EYS: variants seen among roughly 807,000 people sequenced by gnomAD.
EYS encodes protein eyes shut homolog.
EYS carries 250 observed loss-of-function variants against 282.1 expected under a neutral mutation model. The ratio of observed to expected loss-of-function variants is 0.89; its 90% CI spans 0.80 to 0.98. The LOEUF (loss-of-function observed/expected upper bound fraction) is 0.98. Ranked by LOEUF, EYS falls within the 50% of genes least tolerant of loss-of-function variation. The probability of loss-of-function intolerance (pLI) is 0.00; values close to 1 mark genes in which losing one functional copy is unlikely to be tolerated. For synonymous variants in EYS, 1,355 were observed against 1,282.9 expected, an observed-to-expected ratio of 1.06 and a Z score of -1.20; for missense variants, 4,016 against 3,709.0, an observed-to-expected ratio of 1.08 and a Z score of -2.15.
intron 16 of EYS, among the ~76,000 whole-genome samples, chr6:64,906,344 ATG>A (rs2150073641): frequency 6.6e-6 from 1 of 152,190 alleles, no homozygotes; most frequent in South Asian, 2.1e-4. Flanking sequence ...TTAATTATGT[ATG>A]TATTTTCTTT....
chr6:64,213,473 T>C (rs1765843883), intron 31 of EYS, among the ~76,000 whole-genome samples: 1 of 152,102 alleles, frequency 6.6e-6, no homozygotes, highest in Non-Finnish European at 1.5e-5. Context: ...GAATAGAAAA[T>C]GCATCAGCAT....
intron 26 of EYS, among the ~76,000 whole-genome samples, chr6:64,473,618 G>A (rs1776184673): frequency 6.6e-6 from 1 of 152,154 alleles, no homozygotes; most frequent in Non-Finnish European, 1.5e-5. Flanking sequence ...ATAAAAGACC[G>A]TGTGTCTATT....
intron 35 of EYS, among the ~76,000 whole-genome samples, chr6:63,971,825 T>C (rs899802249): frequency 7.9e-5 from 12 of 152,206 alleles, no homozygotes; most frequent in African/African-American, 2.2e-4. Context: ...ATTTCAATTG[T>C]ATTTGTCATA....
At chr6:64,115,207 C>T (rs1204300940) in intron 31 of EYS, among the ~76,000 whole-genome samples, 1 of 152,178 alleles carries the variant, frequency 6.6e-6, no homozygotes, top group African/African-American at 2.4e-5. Flanking sequence ...GGATTTCAGG[C>T]TTCTCTTTAA....
At chr6:64,188,502 T>C (rs143007204) in intron 31 of EYS, among the ~76,000 whole-genome samples, 3 of 152,184 alleles carry the variant, frequency 2.0e-5, no homozygotes, top group Admixed American at 2.0e-4. Context: ...GGATATATTA[T>C]GCTAAAAAGT....
intron 9 of EYS, among the ~76,000 whole-genome samples, chr6:65,345,803 A>C (rs1770371217): frequency 6.6e-6 from 1 of 151,790 alleles, no homozygotes; most frequent in African/African-American, 2.4e-5. Flanking sequence ...AAAGAGTGAG[A>C]AGATGAAAAA....
intron 31 of EYS, among the ~76,000 whole-genome samples, chr6:64,211,287 A>G (rs1367277026): frequency 1.3e-5 from 2 of 152,236 alleles, no homozygotes; most frequent in African/African-American, 4.8e-5. Context: ...TAGACAATTT[A>G]GAGATACAAC....
At chr6:64,419,541 A>T (rs1407830804) in intron 28 of EYS, among the ~76,000 whole-genome samples, 1 of 152,244 alleles carries the variant, frequency 6.6e-6, no homozygotes, top group African/African-American at 2.4e-5. Flanking sequence ...AGCCTATAAA[A>T]TCAAAAGAAA....
rs372862743 is a variant in EYS, at chr6:64,086,480, TA to T, written c.6425-4479del. 7.2e-4 allele frequency among the ~76,000 whole-genome samples: 110 copies of T among 152,348 alleles called. No homozygotes were observed. In the East Asian group the frequency reaches 0.02, roughly 27 times the overall value. On this transcript the variant is annotated intron_variant, in intron 31 of 42. Transcript: ENST00000503581. Reference sequence around the variant, plus strand: ...CCAGGCCCTCCATGGTCTTCCTTTTTAGTGCTTCTACACATACATATCTCCT... The same window carrying T: ...CCAGGCCCTCCATGGTCTTCCTTTTTGTGCTTCTACACATACATATCTCCT...
chr6:65,127,167 C>A (rs1445149896), intron 12 of EYS, among the ~76,000 whole-genome samples: 2 of 152,048 alleles, frequency 1.3e-5, no homozygotes, highest in Non-Finnish European at 2.9e-5. Context: ...CCAATCAACA[C>A]AGTTGTACTA....
intron 31 of EYS, among the ~76,000 whole-genome samples, chr6:64,156,521 G>C (rs2150298166): frequency 6.6e-6 from 1 of 152,294 alleles, no homozygotes; most frequent in South Asian, 2.1e-4. Flanking sequence ...TAGGTAAGAG[G>C]CAGAGGTTGC....
chr6:64,480,020 G>A (rs7754782), intron 26 of EYS, among the ~76,000 whole-genome samples: 2,496 of 151,950 alleles, frequency 0.016, 23 homozygotes, highest in South Asian at 0.035. Context: ...TCATGAGTCC[G>A]TTGCTATGCC....
chr6:65,607,781 T>C (rs1198421694), intron 2 of EYS, among the ~76,000 whole-genome samples: 2 of 151,874 alleles, frequency 1.3e-5, no homozygotes, highest in Non-Finnish European at 2.9e-5. Context: ...TTTTCTCCTT[T>C]CAGAATTGAT....
chr6:64,329,790 G>A (rs1165538314), intron 29 of EYS, among the ~76,000 whole-genome samples: 3 of 152,128 alleles, frequency 2.0e-5, no homozygotes, highest in African/African-American at 7.2e-5. Flanking sequence ...GCCGGTACAG[G>A]ATTTATGGGC....
chr6:64,574,887 A>T (rs571827622), intron 26 of EYS, among the ~76,000 whole-genome samples: 5 of 152,296 alleles, frequency 3.3e-5, no homozygotes, highest in African/African-American at 1.2e-4. Context: ...GATCTAAAAG[A>T]ACACAATTTT....
chr6:65,372,111 C>G (rs1303739830), intron 8 of EYS, among the ~76,000 whole-genome samples: 1 of 151,072 alleles, frequency 6.6e-6, no homozygotes, highest in Non-Finnish European at 1.5e-5. Context: ...TCTTTGTTCT[C>G]TAATGAAGCC....
chr6:64,774,713 G>T (rs1430206094), intron 22 of EYS, among the ~76,000 whole-genome samples: 1 of 151,896 alleles, frequency 6.6e-6, no homozygotes, highest in Non-Finnish European at 1.5e-5. Flanking sequence ...TGGCCAATCA[G>T]ATAGACTCCA....
chr6:65,250,791 CAAGTT>C (rs1218208361), intron 12 of EYS, among the ~76,000 whole-genome samples: 1 of 150,792 alleles, frequency 6.6e-6, no homozygotes, highest in Non-Finnish European at 1.5e-5. Context: ...TATCCTTTTG[CAAGTT>C]AAAGAACCAA....
chr6:65,049,873 G>A (rs1773214376), intron 13 of EYS, among the ~76,000 whole-genome samples: 1 of 151,556 alleles, frequency 6.6e-6, no homozygotes, highest in African/African-American at 2.4e-5. Context: ...AACTCAGCTG[G>A]GATGGGCCGT....
Sources: gnomAD v4.1 joint callset for allele counts (sites outside exome capture counted in the v4.1 genomes callset) on GRCh38, gnomAD v4.1.1 for gene constraint, MANE v1.5 for transcripts, NCBI Gene and HGNC (gene_info 2026-07-23, HGNC 2026-07-21) for gene names.